BDNF: variants seen among roughly 807,000 people sequenced by gnomAD.
BDNF encodes the protein neurotrophic factor BDNF precursor form.
A neutral mutation model predicts 19.5 loss-of-function variants in BDNF; 1 was observed. That is an observed-to-expected ratio of 0.05 (90% CI 0.02 to 0.24). BDNF has a LOEUF of 0.24. Ranked by LOEUF, BDNF falls within the 10% of genes least tolerant of loss-of-function variation. BDNF has a pLI of 1.00. For synonymous variants in BDNF, 100 were observed against 121.6 expected (o/e 0.82, Z 1.17); for missense variants, 195 against 317.6 (o/e 0.61, Z 2.93).
chr11:27,699,518 T>C (rs1240014692), intron 1 of BDNF: 10 of 1,610,074 alleles, frequency 6.2e-6, no homozygotes, highest in Non-Finnish European at 8.5e-6. Context: ...GCAGGATGGG[T>C]AGAGATGTGG....
chr11:27,705,643 C>T (rs1372552673), intron 1 of BDNF, among the ~76,000 whole-genome samples: 1 of 152,234 alleles, frequency 6.6e-6, no homozygotes, highest in African/African-American at 2.4e-5. Context: ...AACTGGCCCT[C>T]TTTCTACCTC....
At chr11:27,711,207 C>T (rs899475316) in intron 1 of BDNF, among the ~76,000 whole-genome samples, 2 of 152,090 alleles carry the variant, frequency 1.3e-5, no homozygotes, top group East Asian at 1.9e-4. Context: ...GAAAAATAAT[C>T]GTCTTAGCCT....
rs1054930228 is a variant in BDNF at position 27,657,257 on chromosome 11, A to G, written c.*564T>C. 6.1e-6 allele frequency: 6 copies of G among 987,338 alleles called. No individual in the cohort carries two copies. The African/African-American group carries it at 1.0e-4, about 17-fold the overall frequency. 61.2% of individuals were successfully genotyped at this position (987,338 alleles called of 1,614,324 possible). On this transcript the variant is annotated 3_prime_UTR_variant, in exon 2 of 2. Coordinates refer to ENST00000356660, the MANE Select transcript of BDNF (RefSeq NM_001709.5). The surrounding 1 kb of genome is among the most constrained non-coding windows in gnomAD (Gnocchi z 5.0). ...AACAAAACAAACAAACGAAAAAAAA[A>G]CACAAAACAAACAAAAATATACCCC...
At chr11:27,720,862 CAT>C in intron 1 of BDNF, 2 of 762,662 alleles carry the variant, frequency 2.6e-6, no homozygotes, top group Non-Finnish European at 3.2e-6. Context: ...TAGTTGATCA[CAT>C]GTTGATGAGA....
At chr11:27,706,074 A>T (rs1288033375) in intron 1 of BDNF, among the ~76,000 whole-genome samples, 2 of 152,116 alleles carry the variant, frequency 1.3e-5, no homozygotes, top group African/African-American at 4.8e-5. Context: ...GGTGGTAGTG[A>T]TGGACAAGAA....
intron 1 of BDNF, among the ~76,000 whole-genome samples, chr11:27,721,128 AAGAAT>A (rs1246963147): frequency 6.6e-6 from 1 of 152,060 alleles, no homozygotes; most frequent in Non-Finnish European, 1.5e-5. Flanking sequence ...CATTAAGGAA[AAGAAT>A]AGAATGCAAG....
At chr11:27,659,648 T>TGTGC (rs756767477) in intron 1 of BDNF, 312 of 980,494 alleles carry the variant, frequency 3.2e-4, no homozygotes, top group Middle Eastern at 1.6e-3. Context: ...TGTGTGTGTG[T>TGTGC]GCGCGCGCGC....
chr11:27,667,723 C>T (rs1854606729), intron 1 of BDNF, among the ~76,000 whole-genome samples: 1 of 152,110 alleles, frequency 6.6e-6, no homozygotes, highest in Admixed American at 6.5e-5. Flanking sequence ...GCTAACTATC[C>T]TAAAAATATA....
intron 1 of BDNF, among the ~76,000 whole-genome samples, chr11:27,720,020 C>A (rs1345595999): frequency 1.3e-5 from 2 of 152,090 alleles, no homozygotes; most frequent in African/African-American, 4.8e-5. Flanking sequence ...ACTGTACACA[C>A]ACACACACAC....
intron 1 of BDNF, among the ~76,000 whole-genome samples, chr11:27,693,174 A>C (rs2134031051): frequency 6.6e-6 from 1 of 152,350 alleles, no homozygotes; most frequent in South Asian, 2.1e-4. Context: ...TTCTAGATAC[A>C]GTCTATTTAA....
At chr11:27,701,614 C>G, upstream of BDNF, 1 of 986,386 alleles carries the variant, frequency 1.0e-6, no homozygotes, top group Non-Finnish European at 1.2e-6. Context: ...GCCCTCTCCG[C>G]GGTGAATGGG....
In BDNF at chr11:27,662,412, C is replaced by T. The variant is rs558969740; in HGVS notation, c.-21-3827G>A. Among the ~76,000 whole-genome samples the T allele has an allele frequency of 6.6e-5, 10 of 152,256 alleles. No homozygotes were observed. In the East Asian group the frequency reaches 7.7e-4, roughly 12 times the overall value. ...GAAAAGACAGTTTGGATATAATTTTCGTAAGAAGCCTTTTCATTTGGAAAG... is the reference window on the plus strand; with the variant it reads ...GAAAAGACAGTTTGGATATAATTTTTGTAAGAAGCCTTTTCATTTGGAAAG... On this transcript the variant is annotated intron_variant, in intron 1 of 1. Coordinates refer to ENST00000356660, the MANE Select transcript of BDNF (RefSeq NM_001709.5).
At chr11:27,707,544 G>A (rs1860158544) in intron 1 of BDNF, among the ~76,000 whole-genome samples, 1 of 152,222 alleles carries the variant, frequency 6.6e-6, no homozygotes, top group Non-Finnish European at 1.5e-5. Flanking sequence ...GCAAGTGTTT[G>A]CTGTAAGTAG....
upstream of BDNF, chr11:27,701,003 G>C (rs1415210991): frequency 3.7e-6 from 5 of 1,361,834 alleles, no homozygotes; most frequent in African/African-American, 1.5e-5. Context: ...CGGAGCTTGC[G>C]AACGCGAGCA....
Position 27,657,562 on chromosome 11 carries a change from C to T in BDNF, c.*259G>A, listed in dbSNP as rs1590214065. 1 of 1,235,030 alleles carries T rather than the reference C, an allele frequency of 8.1e-7. No individual in the cohort carries two copies. The highest frequency in any genetic ancestry group is 1.0e-6 in the Non-Finnish European group (1 of 986,450). 76.5% of individuals were successfully genotyped at this position (1,235,030 alleles called of 1,614,324 possible). On this transcript the variant is annotated 3_prime_UTR_variant, in exon 2 of 2. Transcript: ENST00000356660. This position sits in a 1 kb window ranked among gnomAD's most constrained non-coding sequence, Gnocchi z 5.0. ...TTTTTAACTTTTTATGTTTTCAGTT[C>T]TTGGCAACGGCAACAAACCACAACA...
At chr11:27,689,099 A>G (rs1287725564) in intron 1 of BDNF, among the ~76,000 whole-genome samples, 1 of 152,204 alleles carries the variant, frequency 6.6e-6, no homozygotes, top group African/African-American at 2.4e-5. Context: ...TGCTGGAGAC[A>G]AAGGTGGACA....
intron 1 of BDNF, among the ~76,000 whole-genome samples, chr11:27,710,500 T>C (rs941624471): frequency 7.2e-5 from 11 of 152,194 alleles, no homozygotes; most frequent in Non-Finnish European, 1.6e-4. Context: ...GAGATGCTAT[T>C]TTCAGGAAAG....
chr11:27,692,260 T>C (rs1401753921), intron 1 of BDNF, among the ~76,000 whole-genome samples: 3 of 152,156 alleles, frequency 2.0e-5, no homozygotes, highest in African/African-American at 7.2e-5. Context: ...ACAAAGGCAC[T>C]TCAGAAAATA....
In BDNF at chr11:27,700,261, C is replaced by G; in HGVS notation, c.-119G>C. Reference sequence around the variant, plus strand: ...CCCAGCCCCGGTCCCCGTCGCGGTGCTGCTCCCCGCCGGCCCCACAGCAGC... The same window carrying G: ...CCCAGCCCCGGTCCCCGTCGCGGTGGTGCTCCCCGCCGGCCCCACAGCAGC... On this transcript the variant is annotated 5_prime_UTR_variant, in exon 1 of 2. Transcript: ENST00000356660. 3.0e-6 allele frequency: 3 copies of G among 985,616 alleles called. No individual in the cohort carries two copies. The highest frequency in any genetic ancestry group is 3.6e-6 in the Non-Finnish European group (3 of 830,126). The allele number at this position is 985,616 out of a possible 1,614,324, so 61.1% of individuals were successfully genotyped here. A position where few individuals can be genotyped will look rare whatever the true frequency, so the allele number is the denominator to read the frequency against.
Sources: allele counts gnomAD v4.1 joint callset (sites outside exome capture counted in the v4.1 genomes callset), GRCh38; gene constraint gnomAD v4.1.1; non-coding constraint Gnocchi (gnomAD v3.1); transcripts MANE v1.5; gene names NCBI Gene and HGNC (gene_info 2026-07-23, HGNC 2026-07-21).